The following ABCB1 variants were observed in gnomAD, a reference collection of about 807,000 sequenced individuals.
ABCB1 encodes ATP-dependent translocase ABCB1.
Under a neutral mutation model 142.0 loss-of-function variants are expected in ABCB1, and 69 were observed. The ratio of observed to expected loss-of-function variants is 0.49; its 90% CI spans 0.40 to 0.59. The LOEUF is 0.59. Ranked by LOEUF, ABCB1 falls within the 20% of genes least tolerant of loss-of-function variation. The pLI, the probability that ABCB1 is intolerant of heterozygous loss-of-function variation, is 0.00. For missense variants in ABCB1, 1,326 were observed against 1,554.7 expected (o/e 0.85, Z 2.47); for synonymous variants, 532 against 539.2 (o/e 0.99, Z 0.18).
intron 1 of ABCB1, among the ~76,000 whole-genome samples, chr7:87,703,885 CTTTTTTTTTTTTTTTTTTTTTTTTTTTGG>C (rs772332935): frequency 3.8e-3 from 229 of 60,206 alleles, no homozygotes; most frequent in African/African-American, 0.01. Context: ...TCAGTTTTTT[CTTTTTTTTTTTTTTTTTTTTTTTTTTTGG>C]TTTTTTTTTT....
At chr7:87,645,454 A>G (rs886821893) in intron 1 of ABCB1, among the ~76,000 whole-genome samples, 6 of 152,174 alleles carry the variant, frequency 3.9e-5, no homozygotes, top group African/African-American at 1.4e-4. Context: ...ATCTTTTTAA[A>G]TAGAGACATT....
intron 5 of ABCB1, 55 bp downstream of exon 5, chr7:87,570,117 T>C: frequency 1.3e-6 from 2 of 1,508,398 alleles, no homozygotes; most frequent in South Asian, 2.3e-5. Context: ...TAAACATTTC[T>C]ACAACTTGAT....
chr7:87,640,374 T>G (rs1363428519), intron 1 of ABCB1, among the ~76,000 whole-genome samples: 1 of 152,048 alleles, frequency 6.6e-6, no homozygotes, highest in Non-Finnish European at 1.5e-5. Context: ...TTTTAGAGGT[T>G]GGGTCTTGCT....
At chr7:87,622,878 T>A (rs1320909620) in intron 1 of ABCB1, among the ~76,000 whole-genome samples, 1 of 151,652 alleles carries the variant, frequency 6.6e-6, no homozygotes, top group Non-Finnish European at 1.5e-5. Context: ...AAAACATTTT[T>A]AAAAATAAAA....
chr7:87,695,247 G>T (rs1217836929), intron 1 of ABCB1, among the ~76,000 whole-genome samples: 1 of 152,016 alleles, frequency 6.6e-6, no homozygotes, highest in Non-Finnish European at 1.5e-5. Context: ...TACCTTCAAA[G>T]CTGGATGGTC....
At chr7:87,644,443 T>G (rs1421161341) in intron 1 of ABCB1, among the ~76,000 whole-genome samples, 1 of 152,206 alleles carries the variant, frequency 6.6e-6, no homozygotes, top group Non-Finnish European at 1.5e-5. Context: ...GTAAATTTGG[T>G]TTGAAATAGT....
intron 1 of ABCB1, among the ~76,000 whole-genome samples, chr7:87,703,658 T>C (rs1192766499): frequency 6.6e-6 from 1 of 151,872 alleles, no homozygotes; most frequent in East Asian, 1.9e-4. Flanking sequence ...AAATTAATTA[T>C]AGATTTTCTT....
intron 1 of ABCB1, among the ~76,000 whole-genome samples, chr7:87,636,235 A>G (rs1227173289): frequency 1.3e-5 from 2 of 152,120 alleles, no homozygotes; most frequent in Non-Finnish European, 2.9e-5. Flanking sequence ...TATCCTAACT[A>G]ATGCTTGACA....
chr7:87,707,973 A>T (rs1829756313), intron 1 of ABCB1, among the ~76,000 whole-genome samples: 1 of 152,100 alleles, frequency 6.6e-6, no homozygotes, highest in African/African-American at 2.4e-5. Flanking sequence ...AAATATTTGG[A>T]AAGTACTGAT....
intron 2 of ABCB1, among the ~76,000 whole-genome samples, chr7:87,599,063 C>T (rs951799656): frequency 2.0e-5 from 3 of 152,138 alleles, no homozygotes; most frequent in Non-Finnish European, 4.4e-5. Context: ...TCAAACTTAA[C>T]ATTATTTTTA....
chr7:87,657,669 G>A (rs28746498), intron 1 of ABCB1, among the ~76,000 whole-genome samples: 177 of 152,238 alleles, frequency 1.2e-3, no homozygotes, highest in Non-Finnish European at 1.9e-3. Flanking sequence ...GCTGGTTCCT[G>A]GCCATACTGG....
intron 3 of ABCB1, among the ~76,000 whole-genome samples, chr7:87,592,287 G>A (rs1049356855): frequency 1.3e-5 from 2 of 152,174 alleles, no homozygotes; most frequent in African/African-American, 4.8e-5. Context: ...AGAGGAGATA[G>A]GAGCCAAAGT....
chr7:87,540,218 A>G (rs150197363), intron 18 of ABCB1, among the ~76,000 whole-genome samples: 204 of 152,340 alleles, frequency 1.3e-3, no homozygotes, highest in African/African-American at 4.7e-3. Context: ...TAATCATTCA[A>G]TTAATAAGTG....
rs558299474 is a variant in ABCB1 at position 87,683,930 on chromosome 7, G to GACATCAGA, written c.-331+29223_-331+29230dup. Among the ~76,000 whole-genome samples, 12 of 152,252 alleles carry GACATCAGA rather than the reference G, an allele frequency of 7.9e-5. No homozygotes were observed. The South Asian group carries it at 2.5e-3, about 32-fold the overall frequency. ...CATACCAGTACACCTCATGGACACA[G>GACATCAGA]ACATCAGAATCTTCAATAAATATTG... On this transcript the variant is annotated intron_variant, in intron 1 of 28. Transcript: ENST00000265724.
At chr7:87,649,017 A>G (rs2130360167) in intron 1 of ABCB1, among the ~76,000 whole-genome samples, 1 of 152,214 alleles carries the variant, frequency 6.6e-6, no homozygotes, top group African/African-American at 2.4e-5. Flanking sequence ...AAAACCTTAA[A>G]AAAAGCTTGT....
intron 25 of ABCB1, 40 bp from the exon 26 acceptor site, chr7:87,509,521 C>T: frequency 1.3e-6 from 2 of 1,587,516 alleles, no homozygotes; most frequent in Non-Finnish European, 1.7e-6. Flanking sequence ...AGGACCAGCA[C>T]ACTTTGAATG....
chr7:87,625,361 G>A (rs914883145), intron 1 of ABCB1, among the ~76,000 whole-genome samples: 20 of 152,174 alleles, frequency 1.3e-4, no homozygotes, highest in African/African-American at 4.8e-4. Context: ...ACATGAACAT[G>A]TACTGGAGGC....
At chr7:87,505,219 C>G (rs10274623) in intron 27 of ABCB1, among the ~76,000 whole-genome samples, 19,242 of 152,202 alleles carry the variant, frequency 0.13, 1,341 homozygotes, top group Middle Eastern at 0.22. Context: ...CCCACCTCAG[C>G]CTTCCAAAGT....
chr7:87,612,453 G>T (rs1396516002), intron 1 of ABCB1, among the ~76,000 whole-genome samples: 2 of 152,058 alleles, frequency 1.3e-5, no homozygotes, highest in Non-Finnish European at 2.9e-5. Flanking sequence ...ATGAGAGATA[G>T]GGATCCAGTT....
Sources: gnomAD v4.1 joint callset for allele counts (sites outside exome capture counted in the v4.1 genomes callset) on GRCh38, gnomAD v4.1.1 for gene constraint, MANE v1.5 for transcripts, NCBI Gene and HGNC (gene_info 2026-07-23, HGNC 2026-07-21) for gene names.